CLMP: variants seen among roughly 807,000 people sequenced by gnomAD.
CLMP encodes the protein CXADR like cell adhesion molecule, also known as CXADR-like membrane protein.
Under a neutral mutation model 45.2 loss-of-function variants are expected in CLMP, and 27 were observed. The observed-to-expected ratio is 0.60, with a 90% CI of 0.44 to 0.82. The LOEUF (loss-of-function observed/expected upper bound fraction) is 0.82, where lower values mean the gene tolerates loss of function less well. Among genes scored for constraint, CLMP ranks in the 40% least tolerant of loss-of-function variants. The probability of loss-of-function intolerance (pLI) is 0.00; values close to 1 mark genes in which losing one functional copy is unlikely to be tolerated. For synonymous variants in CLMP, 167 were observed against 171.4 expected (o/e 0.97, Z 0.20); for missense variants, 403 against 448.4 (o/e 0.90, Z 0.91).
chr11:123,088,967 C>T (rs541929497), intron 2 of CLMP, among the ~76,000 whole-genome samples: 6 of 152,246 alleles, frequency 3.9e-5, no homozygotes, highest in Middle Eastern at 3.4e-3. Flanking sequence ...GAGATGCCTT[C>T]GTCTTGAAAT....
intron 1 of CLMP, among the ~76,000 whole-genome samples, chr11:123,104,680 C>G (rs1860510257): frequency 2.0e-5 from 3 of 152,152 alleles, no homozygotes; most frequent in African/African-American, 7.2e-5. Context: ...GCCACCGCGT[C>G]CGGCCTCTGT....
chr11:123,106,384 TG>T (rs1860550730), intron 1 of CLMP, among the ~76,000 whole-genome samples: 1 of 81,784 alleles, frequency 1.2e-5, no homozygotes, highest in Non-Finnish European at 2.3e-5. Flanking sequence ...CTGTAGGAGG[TG>T]TGTGTGTGTG....
chr11:123,072,531 G>A lies in CLMP; in HGVS notation c.*943C>T, dbSNP rs1865684143. On this transcript the variant is annotated 3_prime_UTR_variant, in exon 7 of 7. Transcript: ENST00000448775. ...TGGTTTCACATTTTCTCAGAAAGAA[G>A]AGACTATAATGGTATGTTGGGTAAT... 1 of 152,194 alleles carries A rather than the reference G, an allele frequency of 6.6e-6. No individual in the cohort carries two copies. Among genetic ancestry groups the A allele is most frequent in the Non-Finnish European group, 1.5e-5 (1 of 68,034 alleles). The allele number at this position is 152,194 out of a possible 1,614,324, so 9.4% of individuals were successfully genotyped here.
intron 1 of CLMP, among the ~76,000 whole-genome samples, chr11:123,168,321 G>A (rs1861586512): frequency 6.6e-6 from 1 of 152,140 alleles, no homozygotes; most frequent in South Asian, 2.1e-4. Flanking sequence ...CGGCACTCCA[G>A]CTTTGACCAG....
intron 1 of CLMP, among the ~76,000 whole-genome samples, chr11:123,119,665 A>G (rs1349585954): frequency 6.6e-6 from 1 of 151,874 alleles, no homozygotes; most frequent in Non-Finnish European, 1.5e-5. Context: ...ACCAGTTCAT[A>G]TGCATTTTAT....
chr11:123,112,039 G>A (rs1036661744), intron 1 of CLMP, among the ~76,000 whole-genome samples: 1 of 152,086 alleles, frequency 6.6e-6, no homozygotes, highest in African/African-American at 2.4e-5. Flanking sequence ...AATTTATTAT[G>A]AAACAAATCA....
intron 1 of CLMP, among the ~76,000 whole-genome samples, chr11:123,182,284 C>T (rs1329667546): frequency 1.3e-5 from 2 of 152,246 alleles, no homozygotes; most frequent in Non-Finnish European, 2.9e-5. Flanking sequence ...TGGCCAACCA[C>T]TTTCTCACCT....
intron 1 of CLMP, among the ~76,000 whole-genome samples, chr11:123,124,567 AAC>A (rs1420899607): frequency 6.6e-6 from 1 of 152,242 alleles, no homozygotes; most frequent in Non-Finnish European, 1.5e-5. Context: ...GCAATAATCT[AAC>A]AACCATCTGC....
At chr11:123,080,318 A>G (rs1865789878) in intron 5 of CLMP, among the ~76,000 whole-genome samples, 3 of 147,728 alleles carry the variant, frequency 2.0e-5, no homozygotes, top group South Asian at 2.2e-4. Context: ...GAGGAGAATG[A>G]AGGTGTACTT....
intron 2 of CLMP, among the ~76,000 whole-genome samples, chr11:123,091,518 G>A (rs1301581076): frequency 1.3e-5 from 2 of 152,082 alleles, no homozygotes; most frequent in South Asian, 2.1e-4. Flanking sequence ...CTCAGATTTC[G>A]ACAACCCAAG....
intron 1 of CLMP, among the ~76,000 whole-genome samples, chr11:123,168,238 C>A (rs1359202790): frequency 6.7e-6 from 1 of 149,694 alleles, no homozygotes; most frequent in Admixed American, 6.8e-5. Flanking sequence ...ACAAAGCAGG[C>A]TGCAGAGGGA....
At chr11:123,119,001 C>T (rs1860768303) in intron 1 of CLMP, among the ~76,000 whole-genome samples, 6 of 22,426 alleles carry the variant, frequency 2.7e-4, no homozygotes, top group East Asian at 1.0e-3. Flanking sequence ...TTCTTTCTTT[C>T]TCTCTCTCTC....
At chr11:123,089,350 A>G (rs933927773) in intron 2 of CLMP, among the ~76,000 whole-genome samples, 4 of 150,192 alleles carry the variant, frequency 2.7e-5, no homozygotes, top group Non-Finnish European at 5.9e-5. Context: ...ATGCCACTGC[A>G]CTTCAGTCAA....
intron 1 of CLMP, among the ~76,000 whole-genome samples, chr11:123,128,493 C>T (rs1200974297): frequency 6.6e-6 from 1 of 152,010 alleles, no homozygotes; most frequent in African/African-American, 2.4e-5. Context: ...GAGATCTTGC[C>T]TCTACCAAAA....
intron 1 of CLMP, among the ~76,000 whole-genome samples, chr11:123,167,722 C>A (rs1315199772): frequency 6.6e-6 from 1 of 152,206 alleles, no homozygotes. Context: ...AATACGTCAC[C>A]TCCTCACTCT....
intron 5 of CLMP, among the ~76,000 whole-genome samples, chr11:123,081,329 T>A (rs1048739366): frequency 1.3e-5 from 2 of 152,174 alleles, no homozygotes; most frequent in Non-Finnish European, 2.9e-5. Flanking sequence ...TCTTTCAACT[T>A]GGTTTATCCT....
chr11:123,089,634 G>A (rs1865903637), intron 2 of CLMP, among the ~76,000 whole-genome samples: 1 of 151,828 alleles, frequency 6.6e-6, no homozygotes, highest in African/African-American at 2.4e-5. Flanking sequence ...AATATTAGCT[G>A]GGTGTGGTGG....
intron 1 of CLMP, among the ~76,000 whole-genome samples, chr11:123,109,093 A>G (rs1476287939): frequency 1.3e-5 from 2 of 151,836 alleles, no homozygotes; most frequent in African/African-American, 4.8e-5. Context: ...AAGAAAGAAA[A>G]AAAATGGTTG....
At chr11:123,150,467 GA>G (rs1861303401) in intron 1 of CLMP, among the ~76,000 whole-genome samples, 12 of 103,510 alleles carry the variant, frequency 1.2e-4, no homozygotes, top group South Asian at 3.8e-4. Flanking sequence ...AAGAAAGAAA[GA>G]AAGAAAGAAA....
Sources: allele counts gnomAD v4.1 joint callset (sites outside exome capture counted in the v4.1 genomes callset), GRCh38; gene constraint gnomAD v4.1.1; transcripts MANE v1.5; gene names NCBI Gene and HGNC (gene_info 2026-07-23, HGNC 2026-07-21).